Variants in TRIM37 observed in about 807,000 individuals in gnomAD.
The protein encoded by TRIM37 is tripartite motif containing 37.
A neutral mutation model predicts 129.8 loss-of-function variants in TRIM37; 80 were observed. The observed-to-expected ratio is 0.62, with a 90% CI of 0.51 to 0.74. The LOEUF is 0.74. TRIM37 is among the 30% of genes least tolerant of loss of function. The probability of loss-of-function intolerance (pLI) is 0.00; values close to 1 mark genes in which losing one functional copy is unlikely to be tolerated. For synonymous variants in TRIM37, 389 were observed against 387.1 expected, an observed-to-expected ratio of 1.00 and a Z score of -0.06; for missense variants, 1,054 against 1,176.5, an observed-to-expected ratio of 0.90 and a Z score of 1.52.
chr17:59,015,616 G>A lies in TRIM37; in HGVS notation c.2570C>T (p.Thr857Ile). Residue 857 changes from threonine (T) to isoleucine (I), a missense_variant, in exon 21 of 24, where the codon ACC (threonine) becomes ATC (isoleucine). This residue lies in a region of TRIM37 where 287 missense variants were observed against 274.3 expected (regional missense o/e 1.05). Transcript: ENST00000262294. ...ACAAAACAACTTAATTTACCCCAAG[G>A]TGACCATTTTCCTCCTTTTCTCAAC... ...PAVEKRRKMV[T>I]LGANAKGGHL... 2 of 1,613,902 alleles carry A rather than the reference G, an allele frequency of 1.2e-6. No homozygotes were observed. Among genetic ancestry groups the A allele is most frequent in the Non-Finnish European group, 1.7e-6 (2 of 1,179,982 alleles).
chr17:59,064,904 A>G lies in TRIM37; in HGVS notation c.810-499T>C, dbSNP rs1337535744. Among the ~76,000 whole-genome samples the G allele has an allele frequency of 2.6e-5, 4 of 151,796 alleles. No homozygotes were observed. In the East Asian group the frequency reaches 7.8e-4, roughly 29 times the overall value. ...TCTCTATTAAAAATACGCAAAAATT[A>G]CCCAAATGTGGTGGTGTGCGCCTGC... On this transcript the variant is annotated intron_variant, in intron 9 of 23. Coordinates refer to ENST00000262294, the MANE Select transcript of TRIM37 (RefSeq NM_015294.6).
chr17:59,024,857 T>G (rs988509504), intron 19 of TRIM37, among the ~76,000 whole-genome samples: 3 of 152,190 alleles, frequency 2.0e-5, no homozygotes, highest in Non-Finnish European at 4.4e-5. Context: ...GTAAAGCAAT[T>G]CCAGTCAAAA....
At chr17:58,991,530 C>A (rs901440099) in intron 24 of TRIM37, among the ~76,000 whole-genome samples, 2 of 152,124 alleles carry the variant, frequency 1.3e-5, no homozygotes, top group Non-Finnish European at 2.9e-5. Flanking sequence ...CAATTCTACA[C>A]CCTCTTTTCC....
intron 8 of TRIM37, among the ~76,000 whole-genome samples, chr17:59,071,901 A>C (rs1336906890): frequency 6.6e-6 from 1 of 152,198 alleles, no homozygotes; most frequent in Non-Finnish European, 1.5e-5. Context: ...TTACTTCGTG[A>C]AGTTTGTTAT....
chr17:59,047,667 A>T lies in TRIM37; in HGVS notation c.1667+16T>A, dbSNP rs761644340. The T allele has an allele frequency of 6.2e-7, 1 of 1,610,572 alleles. No homozygotes were observed. Among genetic ancestry groups the T allele is most frequent in the South Asian group, 1.1e-5 (1 of 90,688 alleles). ...TACCACTTAAATGCTTTACAGTAGT[A>T]AAGTGGGAAACTCACATAGTTTCTT... On this transcript the variant is annotated intron_variant, in intron 16 of 23. Transcript: ENST00000262294.
At chr17:59,031,838 C>T in intron 18 of TRIM37, 58 bp downstream of exon 18, 2 of 1,555,876 alleles carry the variant, frequency 1.3e-6, no homozygotes, top group Non-Finnish European at 1.8e-6. Context: ...AATGAAAATC[C>T]AAGAGTTCTT....
At chr17:59,008,804 A>G (rs1168812368) in intron 22 of TRIM37, among the ~76,000 whole-genome samples, 3 of 152,214 alleles carry the variant, frequency 2.0e-5, no homozygotes, top group South Asian at 2.1e-4. Flanking sequence ...TCCTGCCTCT[A>G]GTTCCACATA....
intron 7 of TRIM37, among the ~76,000 whole-genome samples, chr17:59,077,789 A>ATG (rs2042936716): frequency 7.5e-6 from 1 of 133,110 alleles, no homozygotes; most frequent in Non-Finnish European, 1.6e-5. Flanking sequence ...CAGCCTGGGC[A>ATG]ACAGAACGAG....
chr17:59,089,137 C>T (rs1465629577), intron 3 of TRIM37, among the ~76,000 whole-genome samples: 1 of 152,042 alleles, frequency 6.6e-6, no homozygotes, highest in Non-Finnish European at 1.5e-5. Context: ...GCCTACAGTC[C>T]CAGCTACCCA....
intron 22 of TRIM37, 157 bp from the exon 23 acceptor site, chr17:59,001,871 T>A: frequency 9.4e-7 from 1 of 1,067,254 alleles, no homozygotes; most frequent in Non-Finnish European, 1.4e-6. Context: ...AAGACAAAAG[T>A]AACCGCACAA....
Position 59,042,000 on chromosome 17 carries a change from A to C in TRIM37, c.1668-102T>G, listed in dbSNP as rs563375003. On this transcript the variant is annotated intron_variant, in intron 16 of 23. Transcript: ENST00000262294. ...GATATGCAGATTTTTCTGTGAAATA[A>C]GATATTTCTAAATACAAAAAGGAGA... is the stretch of plus-strand genomic sequence containing the variant. The C allele has an allele frequency of 6.3e-5, 50 of 791,714 alleles. No individual in the cohort carries two copies. In the Middle Eastern group the frequency reaches 1.3e-3, roughly 20 times the overall value. 49.0% of individuals were successfully genotyped at this position (791,714 alleles called of 1,614,324 possible). A position where few individuals can be genotyped will look rare whatever the true frequency, so the allele number is the denominator to read the frequency against.
At chr17:59,092,160 A>G (rs1054703062) in intron 2 of TRIM37, among the ~76,000 whole-genome samples, 11 of 152,146 alleles carry the variant, frequency 7.2e-5, no homozygotes, top group African/African-American at 2.7e-4. Flanking sequence ...TGGGAGGCCA[A>G]GGTGGGCAGA....
intron 23 of TRIM37, among the ~76,000 whole-genome samples, chr17:59,000,157 G>A (rs2033506308): frequency 6.6e-6 from 1 of 152,128 alleles, no homozygotes; most frequent in Non-Finnish European, 1.5e-5. Context: ...TGATTAATCT[G>A]TATTCCAGAA....
the TRIM37 span, among the ~76,000 whole-genome samples, chr17:58,977,590 A>C: frequency 6.6e-6 from 1 of 152,374 alleles, no homozygotes; most frequent in African/African-American, 2.4e-5. Context: ...ATACTAACTC[A>C]GGTAATTATA....
intron 17 of TRIM37, among the ~76,000 whole-genome samples, chr17:59,039,491 C>T (rs111482292): frequency 2.8e-4 from 43 of 151,958 alleles, no homozygotes; most frequent in Admixed American, 1.1e-3. Context: ...GGACTACAGG[C>T]GCCTGCCATC....
chr17:59,075,761 T>A, intron 7 of TRIM37, 47 bp from the exon 8 acceptor site: 1 of 1,383,766 alleles, frequency 7.2e-7, no homozygotes, highest in Non-Finnish European at 1.0e-6. Flanking sequence ...ATTATTGGTT[T>A]AAGAATGAAA....
At chr17:59,041,442 G>A (rs1010949122) in intron 17 of TRIM37, among the ~76,000 whole-genome samples, 7 of 152,282 alleles carry the variant, frequency 4.6e-5, no homozygotes, top group South Asian at 4.1e-4. Context: ...AGAAAGAATA[G>A]TATAAAATAT....
At chr17:59,031,772 G>T in intron 18 of TRIM37, 124 bp downstream of exon 18, 1 of 946,988 alleles carries the variant, frequency 1.1e-6, no homozygotes, top group Non-Finnish European at 1.6e-6. Context: ...CATTTTTATG[G>T]TATACAATGA....
At chr17:59,056,741 A>T (rs2040948827) in intron 13 of TRIM37, 134 bp downstream of exon 13, 1 of 458,240 alleles carries the variant, frequency 2.2e-6, no homozygotes, top group Non-Finnish European at 3.6e-6. Context: ...AAAAAAAAAA[A>T]AAAAAAGGTG....
Sources: allele counts gnomAD v4.1 joint callset (sites outside exome capture counted in the v4.1 genomes callset), GRCh38; gene constraint gnomAD v4.1.1; regional missense constraint gnomAD v4.1.1; transcripts MANE v1.5; gene names NCBI Gene and HGNC (gene_info 2026-07-23, HGNC 2026-07-21).